SYNRG: variants seen among roughly 807,000 people sequenced by gnomAD.
SYNRG encodes synergin gamma, also known as AP1 gamma subunit binding protein 1.
Under a neutral mutation model 130.9 loss-of-function variants are expected in SYNRG, and 37 were observed. That is an observed-to-expected ratio of 0.28 (90% CI 0.22 to 0.37). The LOEUF is 0.37. Among genes scored for constraint, SYNRG ranks in the 10% least tolerant of loss-of-function variants. SYNRG has a pLI of 1.00. For missense variants in SYNRG, 1,338 were observed against 1,588.9 expected (o/e 0.84, Z 2.68); for synonymous variants, 539 against 568.1 (o/e 0.95, Z 0.73).
At chr17:37,562,617 C>G (rs1156711716) in intron 11 of SYNRG, among the ~76,000 whole-genome samples, 1 of 152,174 alleles carries the variant, frequency 6.6e-6, no homozygotes. Context: ...AAACTAGGCT[C>G]TGGTAGCTGC....
intron 19 of SYNRG, among the ~76,000 whole-genome samples, chr17:37,526,040 GGAGAATAGCTT>G (rs902117566): frequency 1.3e-5 from 2 of 152,314 alleles, no homozygotes; most frequent in African/African-American, 4.8e-5. Flanking sequence ...AGCTGAGGTA[GGAGAATAGCTT>G]GAACCCAAGA....
chr17:37,532,194 AAAG>A (rs2056697621), intron 19 of SYNRG, among the ~76,000 whole-genome samples: 1 of 152,242 alleles, frequency 6.6e-6, no homozygotes, highest in African/African-American at 2.4e-5. Flanking sequence ...GTGCTCAGAT[AAAG>A]AAGAAAAGAT....
chr17:37,584,415 G>A, intron 6 of SYNRG: 1 of 409,096 alleles, frequency 2.4e-6, no homozygotes, highest in East Asian at 3.6e-5. Context: ...AGGTGAAATT[G>A]TCATACTGAT....
At chr17:37,560,504 C>A (rs888434323) in intron 13 of SYNRG, among the ~76,000 whole-genome samples, 1 of 151,282 alleles carries the variant, frequency 6.6e-6, no homozygotes, top group African/African-American at 2.4e-5. Context: ...GCCTGGCTAA[C>A]TTTTTTGTAT....
chr17:37,595,451 C>T (rs2062677152), intron 3 of SYNRG, among the ~76,000 whole-genome samples: 2 of 152,102 alleles, frequency 1.3e-5, no homozygotes, highest in Admixed American at 6.6e-5. Flanking sequence ...ACACTGGGTG[C>T]ACATGGACAT....
chr17:37,521,206 T>A (rs1388625839), intron 19 of SYNRG, among the ~76,000 whole-genome samples: 1 of 151,932 alleles, frequency 6.6e-6, no homozygotes, highest in Admixed American at 6.6e-5. Context: ...AATTTTGTAT[T>A]TTTAGTAGAG....
At chr17:37,538,254 T>G in intron 18 of SYNRG, 70 bp downstream of exon 18, 2 of 1,201,878 alleles carry the variant, frequency 1.7e-6, no homozygotes, top group Non-Finnish European at 2.4e-6. Flanking sequence ...TAGCTTAAAA[T>G]AATTAAAGGG....
At chr17:37,605,906 T>C (rs1170404964) in intron 1 of SYNRG, 1 of 985,454 alleles carries the variant, frequency 1.0e-6, no homozygotes, top group African/African-American at 1.7e-5. Context: ...CCTAAACTCC[T>C]ACATAAAGAC....
chr17:37,599,749 A>C (rs1555795879), intron 2 of SYNRG, among the ~76,000 whole-genome samples: 1 of 152,150 alleles, frequency 6.6e-6, no homozygotes, highest in Non-Finnish European at 1.5e-5. Flanking sequence ...AAACCAAACA[A>C]AATCCTGAGA....
In SYNRG at chr17:37,568,799, A is replaced by G; in HGVS notation, c.1473T>C (p.His491=). 1.2e-6 allele frequency: 2 copies of G among 1,613,846 alleles called. No individual in the cohort carries two copies. ...PASSKTSNSQ[H]GNSAPSLLMP... is the part of the protein sequence containing the mutation. ...ATTAAACTCTTTTCTACCTGTTTCC[A>G]TGCTGGGAGTTACTTGTTTTTGAAG... is the stretch of plus-strand genomic sequence containing the variant. The change falls in exon 11 of 22, where the codon CAT becomes CAC. Residue 491 remains histidine (H), a synonymous_variant. Transcript: ENST00000612223.
intron 19 of SYNRG, among the ~76,000 whole-genome samples, chr17:37,524,344 G>C (rs1226428448): frequency 6.6e-6 from 1 of 152,190 alleles, no homozygotes; most frequent in Non-Finnish European, 1.5e-5. Flanking sequence ...AAAATGTGTA[G>C]ATTATGTATG....
Position 37,515,182 on chromosome 17 carries a change from A to AT in SYNRG, c.*3757dup, listed in dbSNP as rs2054331825. 6.6e-6 allele frequency: 1 copy of AT among 152,132 alleles called. No homozygotes were observed. The highest frequency in any genetic ancestry group is 6.6e-5 in the Admixed American group (1 of 15,264). The allele number at this position is 152,132 out of a possible 1,614,324, so 9.4% of individuals were successfully genotyped here. The stretch of plus-strand genomic sequence containing the variant: ...GTTAGAAAAGTATTTGTAAAGTGGC[A>AT]TTTTTCCCCCAAGAGCTGTTTCACT... On this transcript the variant is annotated 3_prime_UTR_variant, in exon 22 of 22. Coordinates refer to ENST00000612223, the MANE Select transcript of SYNRG (RefSeq NM_007247.6).
rs368485230 is a variant in SYNRG, at chr17:37,570,896, T to C, written c.1099-11A>G. 10 of 1,607,464 alleles carry C rather than the reference T, an allele frequency of 6.2e-6. No homozygotes were observed. The highest frequency in any genetic ancestry group is 8.5e-6 in the Non-Finnish European group (10 of 1,177,156). ...TGCAGGAACGCCCCTCTACAAATGA[T>C]AGAAAGAAAATGGATTAGAGGATTG... On this transcript the variant is annotated splice_polypyrimidine_tract_variant and intron_variant, in intron 9 of 21. Coordinates refer to ENST00000612223, the MANE Select transcript of SYNRG (RefSeq NM_007247.6).
intron 2 of SYNRG, among the ~76,000 whole-genome samples, chr17:37,596,754 C>T (rs1490824832): frequency 1.3e-5 from 2 of 151,958 alleles, no homozygotes; most frequent in Non-Finnish European, 2.9e-5. Context: ...CATGTAACTT[C>T]GAAGGCTAGT....
intron 8 of SYNRG, among the ~76,000 whole-genome samples, chr17:37,572,307 A>C (rs2060491573): frequency 6.6e-6 from 1 of 152,114 alleles, no homozygotes; most frequent in Non-Finnish European, 1.5e-5. Context: ...TGTGCCTGTA[A>C]GCCCAGCTAC....
chr17:37,579,319 A>C (rs1400481571), intron 6 of SYNRG: 3 of 1,304,258 alleles, frequency 2.3e-6, no homozygotes, highest in Non-Finnish European at 3.0e-6. Context: ...ACGTGGAAGA[A>C]GGCCCACATG....
chr17:37,565,961 T>TG (rs1189686366), intron 11 of SYNRG, among the ~76,000 whole-genome samples: 45 of 135,056 alleles, frequency 3.3e-4, no homozygotes, highest in Admixed American at 1.1e-3. Flanking sequence ...GGGAGGGAGG[T>TG]GGGGGGGTCA....
Position 37,531,860 on chromosome 17 carries a change from G to C in SYNRG, c.3666+4119C>G, listed in dbSNP as rs1259628206. ...TTTTGGCAGATTTCCTTCAAGCCCT[G>C]TAGTAACACTTCTGTGTCATTCAAA... On this transcript the variant is annotated intron_variant, in intron 19 of 21. Coordinates refer to ENST00000612223, the MANE Select transcript of SYNRG (RefSeq NM_007247.6). Among the ~76,000 whole-genome samples the C allele has an allele frequency of 2.6e-5, 4 of 152,066 alleles. No individual in the cohort carries two copies. The East Asian group carries it at 5.8e-4, about 22-fold the overall frequency.
At chr17:37,609,203 A>G in intron 1 of SYNRG, 76 bp downstream of exon 1, 1 of 1,342,620 alleles carries the variant, frequency 7.4e-7, no homozygotes, top group Non-Finnish European at 9.6e-7. Context: ...GGCTGGAGAA[A>G]ACTGCCATAA....
Sources: gnomAD v4.1 joint callset for allele counts (sites outside exome capture counted in the v4.1 genomes callset) on GRCh38, gnomAD v4.1.1 for gene constraint, MANE v1.5 for transcripts, NCBI Gene and HGNC (gene_info 2026-07-23, HGNC 2026-07-21) for gene names.